Variants in SIPA1L1 observed in about 807,000 individuals in gnomAD.
SIPA1L1 encodes the protein signal-induced proliferation-associated 1-like protein 1.
SIPA1L1 carries 26 observed loss-of-function variants against 162.7 expected under a neutral mutation model. The ratio of observed to expected loss-of-function variants is 0.16; its 90% CI spans 0.12 to 0.22. The LOEUF (loss-of-function observed/expected upper bound fraction) is 0.22. SIPA1L1 is among the 10% of genes least tolerant of loss of function. SIPA1L1 has a pLI of 1.00. For synonymous variants in SIPA1L1, 829 were observed against 837.4 expected, an observed-to-expected ratio of 0.99 and a Z score of 0.17; for missense variants, 1,874 against 2,241.0, an observed-to-expected ratio of 0.84 and a Z score of 3.31.
chr14:71,525,286 A>T (rs932542977), intron 3 of SIPA1L1, among the ~76,000 whole-genome samples: 1 of 150,752 alleles, frequency 6.6e-6, no homozygotes, highest in East Asian at 1.9e-4. Context: ...GGGTTCAAGC[A>T]ATTCTCCTGC....
intron 4 of SIPA1L1, among the ~76,000 whole-genome samples, chr14:71,580,548 ATTAT>A (rs2033779739): frequency 6.6e-6 from 1 of 152,208 alleles, no homozygotes; most frequent in Non-Finnish European, 1.5e-5. Context: ...ATGTGAAATA[ATTAT>A]TCAAATCCTA....
At position 71,671,664 on chromosome 14, in the gene SIPA1L1, A is replaced by G. The variant is rs763911557; in HGVS notation, c.2801A>G (p.Glu934Gly). ...VSVGSFINIE[E>G]IKEIVKRLQF... ...GTGGGTAGTTTTATTAACATTGAGG[A>G]GATCAAAGAGATTGTCAAAAGGTTG... Residue 934 changes from glutamate to glycine, a missense_variant, in exon 11 of 24, where the codon GAG (glutamate) becomes GGG (glycine). This residue lies in a region of SIPA1L1 where 243 missense variants were observed against 315.0 expected (regional missense o/e 0.77). Transcript: ENST00000381232. 1 of 1,602,176 alleles carries G rather than the reference A, an allele frequency of 6.2e-7. No homozygotes were observed.
chr14:71,346,983 G>T (rs1386973105), intron 2 of SIPA1L1, among the ~76,000 whole-genome samples: 3 of 146,980 alleles, frequency 2.0e-5, no homozygotes, highest in African/African-American at 5.0e-5. Flanking sequence ...AGACAGTCTT[G>T]CTCTGTTGCC....
At chr14:71,329,728 G>A (rs1272008930) in intron 2 of SIPA1L1, among the ~76,000 whole-genome samples, 1 of 151,908 alleles carries the variant, frequency 6.6e-6, no homozygotes, top group East Asian at 1.9e-4. Flanking sequence ...TATTCTCGTT[G>A]GCCATTTGTA....
chr14:71,545,036 T>C (rs1438013266), intron 4 of SIPA1L1, among the ~76,000 whole-genome samples: 1 of 152,164 alleles, frequency 6.6e-6, no homozygotes, highest in Non-Finnish European at 1.5e-5. Flanking sequence ...TTAATTTTTA[T>C]TTTTGTAGAG....
chr14:71,714,357 A>G (rs2083102257), intron 17 of SIPA1L1, among the ~76,000 whole-genome samples: 2 of 152,074 alleles, frequency 1.3e-5, no homozygotes, highest in African/African-American at 4.8e-5. Flanking sequence ...CCAACAAAAC[A>G]TTTTTTTGCT....
intron 19 of SIPA1L1, among the ~76,000 whole-genome samples, chr14:71,727,896 G>T (rs768303001): frequency 6.6e-6 from 1 of 152,182 alleles, no homozygotes; most frequent in Non-Finnish European, 1.5e-5. Flanking sequence ...CTTCGGGGTA[G>T]GTTGCTTCCT....
chr14:71,721,868 A>T (rs2150183685), intron 17 of SIPA1L1, among the ~76,000 whole-genome samples: 1 of 152,162 alleles, frequency 6.6e-6, no homozygotes, highest in Non-Finnish European at 1.5e-5. Flanking sequence ...CCTGACTGCC[A>T]CTCATATGTA....
intron 2 of SIPA1L1, among the ~76,000 whole-genome samples, chr14:71,410,208 C>G (rs1183407293): frequency 6.6e-6 from 1 of 152,082 alleles, no homozygotes; most frequent in Non-Finnish European, 1.5e-5. Context: ...CTTCTCAATC[C>G]GCTGGTGAGC....
intron 8 of SIPA1L1, among the ~76,000 whole-genome samples, chr14:71,651,785 A>C (rs1439024541): frequency 6.6e-6 from 1 of 152,216 alleles, no homozygotes; most frequent in Non-Finnish European, 1.5e-5. Context: ...GGGTGATGTG[A>C]GAAATGTATA....
At chr14:71,445,912 A>G (rs1193431423) in intron 2 of SIPA1L1, among the ~76,000 whole-genome samples, 1 of 152,140 alleles carries the variant, frequency 6.6e-6, no homozygotes, top group African/African-American at 2.4e-5. Context: ...GCAGTGGCCC[A>G]GTCATAGCTC....
chr14:71,587,612 C>T lies in SIPA1L1; in HGVS notation c.-261C>T, dbSNP rs947382370. 2.2e-6 allele frequency: 1 copy of T among 461,358 alleles called. No homozygotes were observed. The highest frequency in any genetic ancestry group is 3.8e-6 in the Non-Finnish European group (1 of 262,598). The allele number at this position is 461,358 out of a possible 1,614,324, so 28.6% of individuals were successfully genotyped here. A position where few individuals can be genotyped will look rare whatever the true frequency, so the allele number is the denominator to read the frequency against. ...TGGCAACCACAGAATCTCAGTAGTACAAGTTCCATTCAGTTTTTTCTGAAA... is the reference window on the plus strand; with the variant it reads ...TGGCAACCACAGAATCTCAGTAGTATAAGTTCCATTCAGTTTTTTCTGAAA... On this transcript the variant is annotated 5_prime_UTR_variant, in exon 5 of 24. The change creates a premature stop within an existing upstream ORF in the 5' untranslated region. Transcript: ENST00000381232.
At chr14:71,665,183 C>T (rs2043881685) in intron 10 of SIPA1L1, among the ~76,000 whole-genome samples, 1 of 152,088 alleles carries the variant, frequency 6.6e-6, no homozygotes, top group Admixed American at 6.6e-5. Flanking sequence ...TTCATTAGTT[C>T]TTTATCCAGC....
intron 2 of SIPA1L1, among the ~76,000 whole-genome samples, chr14:71,398,898 T>A (rs1233942144): frequency 6.6e-6 from 1 of 152,242 alleles, no homozygotes; most frequent in Non-Finnish European, 1.5e-5. Context: ...GCTCCACAGC[T>A]TTTTGCTCAG....
rs2148188541 is a variant in SIPA1L1, at chr14:71,606,619, C to T, written c.1499-12138C>T. On this transcript the variant is annotated intron_variant, in intron 5 of 23. Coordinates refer to ENST00000381232, the MANE Select transcript of SIPA1L1 (RefSeq NM_001386936.1). Reference sequence around the variant, plus strand: ...TGTTTGTTTCAGGGCCTGCAAGGGTCATGGGGCTCTTCCATAGCTAGGATT... The same window carrying T: ...TGTTTGTTTCAGGGCCTGCAAGGGTTATGGGGCTCTTCCATAGCTAGGATT... Among the ~76,000 whole-genome samples the T allele has an allele frequency of 2.0e-5, 3 of 152,224 alleles. No homozygotes were observed. In the South Asian group the frequency reaches 6.2e-4, roughly 32 times the overall value.
At chr14:71,514,757 T>C (rs977288898) in intron 3 of SIPA1L1, among the ~76,000 whole-genome samples, 5 of 152,206 alleles carry the variant, frequency 3.3e-5, no homozygotes, top group Admixed American at 3.3e-4. Flanking sequence ...AAAGAATACC[T>C]TCTCAGCAAC....
intron 5 of SIPA1L1, among the ~76,000 whole-genome samples, chr14:71,609,105 A>T (rs1032976825): frequency 6.6e-6 from 1 of 152,134 alleles, no homozygotes; most frequent in Non-Finnish European, 1.5e-5. Flanking sequence ...CTGCTTCTAT[A>T]TTGGGCCATG....
At chr14:71,427,839 G>A (rs970412135) in intron 2 of SIPA1L1, among the ~76,000 whole-genome samples, 1 of 151,056 alleles carries the variant, frequency 6.6e-6, no homozygotes, top group African/African-American at 2.4e-5. Context: ...TTAGTTCTTT[G>A]TTTATCTTTA....
chr14:71,616,341 G>T (rs752866797), intron 5 of SIPA1L1, among the ~76,000 whole-genome samples: 2 of 152,200 alleles, frequency 1.3e-5, no homozygotes, highest in Non-Finnish European at 2.9e-5. Context: ...GACCCATGCA[G>T]TGGAAGTCAG....
Sources: gnomAD v4.1 joint callset for allele counts (sites outside exome capture counted in the v4.1 genomes callset) on GRCh38, gnomAD v4.1.1 for gene constraint, gnomAD v4.1.1 regional missense constraint, MANE v1.5 for transcripts, NCBI Gene and HGNC (gene_info 2026-07-23, HGNC 2026-07-21) for gene names.